Variants in HDAC9 observed in about 807,000 individuals in gnomAD.
The protein encoded by HDAC9 is MEF-2 interacting transcription repressor (MITR) protein.
In HDAC9, 41 loss-of-function variants were observed where a neutral mutation model predicts 139.4. That is an observed-to-expected ratio of 0.29 (90% confidence interval 0.23 to 0.38). HDAC9 has a LOEUF of 0.38. Ranked by LOEUF, HDAC9 falls within the 10% of genes least tolerant of loss-of-function variation. The pLI, the probability that HDAC9 is intolerant of heterozygous loss-of-function variation, is 1.00. For synonymous variants in HDAC9, 517 were observed against 476.2 expected (o/e 1.09, Z -1.12); for missense variants, 1,147 against 1,297.0 (o/e 0.88, Z 1.78).
chr7:18,918,095 C>G (rs186410215), intron 22 of HDAC9, among the ~76,000 whole-genome samples: 1 of 152,048 alleles, frequency 6.6e-6, no homozygotes, highest in Admixed American at 6.6e-5. Context: ...AAAATCAAGT[C>G]GATGTGCAAA....
At chr7:18,140,088 A>G (rs1414618904) in intron 1 of HDAC9, among the ~76,000 whole-genome samples, 1 of 152,206 alleles carries the variant, frequency 6.6e-6, no homozygotes, top group Non-Finnish European at 1.5e-5. Context: ...ACCTCAGTCC[A>G]TGATGAAAGC....
At chr7:18,092,708 G>A (rs1485947788) in intron 1 of HDAC9, among the ~76,000 whole-genome samples, 1 of 152,200 alleles carries the variant, frequency 6.6e-6, no homozygotes, top group African/African-American at 2.4e-5. Flanking sequence ...GGATAGGCAT[G>A]ATAGCCTTCT....
chr7:18,193,090 T>G (rs536968940), intron 2 of HDAC9, among the ~76,000 whole-genome samples: 1 of 152,320 alleles, frequency 6.6e-6, no homozygotes, highest in African/African-American at 2.4e-5. Flanking sequence ...TGCTATATTT[T>G]TGTGACCAGA....
chr7:18,861,289 A>C (rs1221107449), intron 21 of HDAC9, among the ~76,000 whole-genome samples: 1 of 152,176 alleles, frequency 6.6e-6, no homozygotes, highest in Non-Finnish European at 1.5e-5. Context: ...CCAACTCCAA[A>C]CTAAGCATGT....
intron 11 of HDAC9, among the ~76,000 whole-genome samples, chr7:18,656,995 G>A (rs1399314990): frequency 6.6e-6 from 1 of 152,070 alleles, no homozygotes. Flanking sequence ...GGGGTGAGAT[G>A]ATGTCTCATT....
In HDAC9 at chr7:18,843,124, C is replaced by G. The variant is rs1010241467; in HGVS notation, c.2684+7127C>G. Among the ~76,000 whole-genome samples the G allele has an allele frequency of 8.1e-4, 123 of 152,012 alleles. 1 individual carries two copies. The highest frequency in any genetic ancestry group is 4.6e-4 in the Admixed American group (7 of 15,244). On this transcript the variant is annotated intron_variant, in intron 21 of 25. Transcript: ENST00000686413. ...ATCTGTATAGCAATTAAACAATTTT[C>G]CAAATAATGGGGACTAATTAAAAGG...
intron 2 of HDAC9, among the ~76,000 whole-genome samples, chr7:18,504,716 C>T (rs1277364921): frequency 6.6e-6 from 1 of 152,088 alleles, no homozygotes; most frequent in Non-Finnish European, 1.5e-5. Flanking sequence ...CTCTGTGTAT[C>T]ACTTGATCAT....
intron 2 of HDAC9, among the ~76,000 whole-genome samples, chr7:18,165,798 C>CA (rs59376151): frequency 0.032 from 3,095 of 97,462 alleles, 39 homozygotes; most frequent in East Asian, 0.044. Flanking sequence ...GACCCTGTCT[C>CA]AAAAAAAAAA....
intron 2 of HDAC9, among the ~76,000 whole-genome samples, chr7:18,163,730 T>G (rs1448023852): frequency 6.6e-6 from 1 of 151,628 alleles, no homozygotes; most frequent in Non-Finnish European, 1.5e-5. Context: ...AAATTAACAT[T>G]TACCTTATAT....
chr7:18,144,805 C>CT (rs147086178), intron 1 of HDAC9, among the ~76,000 whole-genome samples: 7,840 of 152,256 alleles, frequency 0.051, 214 homozygotes, highest in Non-Finnish European at 0.06. Context: ...GGATCATCCT[C>CT]TTTTTTTGCT....
intron 1 of HDAC9, among the ~76,000 whole-genome samples, chr7:18,431,518 T>A (rs1157266314): frequency 6.6e-6 from 1 of 152,190 alleles, no homozygotes; most frequent in Non-Finnish European, 1.5e-5. Context: ...GTTTAATGCA[T>A]GTGTATTATT....
intron 25 of HDAC9, among the ~76,000 whole-genome samples, chr7:18,985,301 T>C (rs1785251771): frequency 6.6e-6 from 1 of 151,978 alleles, no homozygotes; most frequent in South Asian, 2.1e-4. Flanking sequence ...TTCCCACCTA[T>C]GAGTGAGAAT....
intron 1 of HDAC9, among the ~76,000 whole-genome samples, chr7:18,446,093 G>A (rs552452529): frequency 2.0e-5 from 3 of 152,296 alleles, no homozygotes; most frequent in Non-Finnish European, 2.9e-5. Context: ...GGCCTTTGTC[G>A]TCTGGCCAGC....
At chr7:18,090,482 A>G (rs1486399362) in intron 1 of HDAC9, among the ~76,000 whole-genome samples, 12 of 152,214 alleles carry the variant, frequency 7.9e-5, no homozygotes, top group African/African-American at 1.2e-4. Flanking sequence ...CAATCAATCC[A>G]TAGTCCACAT....
intron 2 of HDAC9, among the ~76,000 whole-genome samples, chr7:18,514,332 GATT>G (rs1802509564): frequency 6.6e-6 from 1 of 152,130 alleles, no homozygotes; most frequent in Non-Finnish European, 1.5e-5. Context: ...TAGTAATGAA[GATT>G]ATTATTTGAT....
chr7:18,611,058 T>G (rs972057717), intron 6 of HDAC9, among the ~76,000 whole-genome samples: 14 of 152,186 alleles, frequency 9.2e-5, no homozygotes, highest in Non-Finnish European at 1.5e-5. Context: ...TAGGTGATCA[T>G]GTAAGATTTA....
chr7:18,728,636 C>T (rs1785762877), intron 13 of HDAC9, among the ~76,000 whole-genome samples: 1 of 152,170 alleles, frequency 6.6e-6, no homozygotes, highest in Non-Finnish European at 1.5e-5. Flanking sequence ...GTACCTTCCC[C>T]AAAGGCTCTT....
chr7:18,760,936 G>A (rs1396107702), intron 14 of HDAC9, among the ~76,000 whole-genome samples: 3 of 152,206 alleles, frequency 2.0e-5, no homozygotes, highest in African/African-American at 7.2e-5. Context: ...AATTGTCCTC[G>A]TCCTGAGAGA....
chr7:18,400,689 TAGA>T (rs1787458154), intron 1 of HDAC9, among the ~76,000 whole-genome samples: 1 of 152,048 alleles, frequency 6.6e-6, no homozygotes, highest in East Asian at 1.9e-4. Context: ...GTGAGTCAAA[TAGA>T]GGAGGATGAA....
Sources: allele counts gnomAD v4.1 joint callset (sites outside exome capture counted in the v4.1 genomes callset), GRCh38; gene constraint gnomAD v4.1.1; transcripts MANE v1.5; gene names NCBI Gene and HGNC (gene_info 2026-07-23, HGNC 2026-07-21).